The following IWS1 variants were observed in gnomAD, a reference collection of about 807,000 sequenced individuals.
The protein encoded by IWS1 is interacts with SUPT6H, CTD assembly factor 1.
IWS1 carries 27 observed loss-of-function variants against 86.7 expected under a neutral mutation model. That is an observed-to-expected ratio of 0.31 (90% CI 0.23 to 0.43). The LOEUF (loss-of-function observed/expected upper bound fraction) is 0.43. Among genes scored for constraint, IWS1 ranks in the 20% least tolerant of loss-of-function variants. The probability of loss-of-function intolerance (pLI) is 1.00; values close to 1 mark genes in which losing one functional copy is unlikely to be tolerated. For synonymous variants in IWS1, 313 were observed against 335.1 expected (o/e 0.93, Z 0.72); for missense variants, 827 against 1,000.8 (o/e 0.83, Z 2.34).
intron 6 of IWS1, among the ~76,000 whole-genome samples, chr2:127,497,213 T>C (rs977486506): frequency 5.3e-5 from 8 of 152,224 alleles, no homozygotes; most frequent in Admixed American, 4.6e-4. Context: ...TATATACACA[T>C]ATAAATCGCT....
At chr2:127,508,719 G>A (rs940932815) in intron 2 of IWS1, among the ~76,000 whole-genome samples, 6 of 152,146 alleles carry the variant, frequency 3.9e-5, no homozygotes, top group Non-Finnish European at 8.8e-5. Context: ...TTTTACTAGA[G>A]TACCATCAGT....
At chr2:127,521,763 G>A (rs1692107836) in intron 2 of IWS1, among the ~76,000 whole-genome samples, 1 of 152,132 alleles carries the variant, frequency 6.6e-6, no homozygotes, top group Non-Finnish European at 1.5e-5. Context: ...TCAAATTATA[G>A]TTTAAGTCTG....
chr2:127,493,586 T>C (rs1267797834), intron 8 of IWS1, among the ~76,000 whole-genome samples, 176 bp from the exon 9 acceptor site: 3 of 152,204 alleles, frequency 2.0e-5, no homozygotes, highest in Non-Finnish European at 4.4e-5. Flanking sequence ...TTAGTTCTTA[T>C]TTTCCAGAAA....
Position 127,505,160 on chromosome 2 carries a change from C to T in IWS1, c.743G>A (p.Ser248Asn), listed in dbSNP as rs1691059781. 1 of 1,611,776 alleles carries T rather than the reference C, an allele frequency of 6.2e-7. No individual in the cohort carries two copies. Among genetic ancestry groups the T allele is most frequent in the African/African-American group, 1.3e-5 (1 of 74,788 alleles). ...CGGAGGGTCCTCACTTTCTGAGTCACTGATACGAGGTTTGGGAAGCTCCTC... is the reference window on the plus strand; with the variant it reads ...CGGAGGGTCCTCACTTTCTGAGTCATTGATACGAGGTTTGGGAAGCTCCTC... ...ENEELPKPRI[S>N]DSESEDPPRH... The change falls in exon 3 of 14, where the codon AGT becomes AAT. Residue 248 changes from serine (S) to asparagine (N), a missense_variant. This residue lies in a region of IWS1 where 548 missense variants were observed against 560.2 expected (regional missense o/e 0.98). Coordinates refer to ENST00000295321, the MANE Select transcript of IWS1 (RefSeq NM_017969.3). The surrounding 1 kb of genome is among the most constrained non-coding windows in gnomAD (Gnocchi z 5.0).
At chr2:127,511,777 A>T in intron 2 of IWS1, among the ~76,000 whole-genome samples, 1 of 152,246 alleles carries the variant, frequency 6.6e-6, no homozygotes, top group Middle Eastern at 3.2e-3. Context: ...CATTATTAGA[A>T]TCAAAGACAA....
chr2:127,489,616 C>G lies in IWS1; in HGVS notation c.2159+216G>C. On this transcript the variant is annotated intron_variant, in intron 11 of 13. Coordinates refer to ENST00000295321, the MANE Select transcript of IWS1 (RefSeq NM_017969.3). The surrounding 1 kb of genome is among the most constrained non-coding windows in gnomAD (Gnocchi z 4.8). ...TCAGTATCCTGAAACAGGCCCTGTT[C>G]CAACAAACTGACCCAGAAAGGTCTG... 2 of 550,532 alleles carry G rather than the reference C, an allele frequency of 3.6e-6. No individual in the cohort carries two copies. Among genetic ancestry groups the G allele is most frequent in the Non-Finnish European group, 3.2e-6 (1 of 311,982 alleles). 34.1% of individuals were successfully genotyped at this position (550,532 alleles called of 1,614,324 possible). A position where few individuals can be genotyped will look rare whatever the true frequency, so the allele number is the denominator to read the frequency against.
In IWS1 at chr2:127,484,996, C is replaced by CAAAAAG. The variant is rs55917794; in HGVS notation, c.2328+1551_2328+1556dup. On this transcript the variant is annotated intron_variant, in intron 13 of 13. Coordinates refer to ENST00000295321, the MANE Select transcript of IWS1 (RefSeq NM_017969.3). ...TGGGCGACAGAGCAAGACTCCGTCT[C>CAAAAAG]AAAAAGAAAAAGAAAAAGAAAAAGA... 2.8e-3 allele frequency among the ~76,000 whole-genome samples: 410 copies of CAAAAAG among 148,866 alleles called. 1 individual carries two copies. Among genetic ancestry groups the CAAAAAG allele is most frequent in the African/African-American group, 7.1e-3 (286 of 40,426 alleles).
chr2:127,486,060 T>A (rs1689914114), intron 13 of IWS1: 1 of 154,166 alleles, frequency 6.5e-6, no homozygotes, highest in Non-Finnish European at 1.4e-5. Flanking sequence ...GATTGGAGAA[T>A]AAAAAGAGAT....
chr2:127,501,604 T>C (rs1469506890), intron 5 of IWS1: 1 of 152,232 alleles, frequency 6.6e-6, no homozygotes, highest in African/African-American at 2.4e-5. Context: ...ATACTGTATC[T>C]TGAAGCTTCA....
chr2:127,526,627 G>T, upstream of IWS1: 1 of 1,340,658 alleles, frequency 7.5e-7, no homozygotes, highest in Non-Finnish European at 9.9e-7. Flanking sequence ...TCGGGCTTTA[G>T]TTAAATACCT....
Position 127,526,159 on chromosome 2 carries a change from C to T in IWS1, c.34+16G>A, listed in dbSNP as rs1439649610. The T allele has an allele frequency of 3.1e-6, 5 of 1,596,164 alleles. No individual in the cohort carries two copies. Among genetic ancestry groups the T allele is most frequent in the Non-Finnish European group, 4.3e-6 (5 of 1,171,648 alleles). ...TGCTCCGCCTCCCAGCCCGGTCCCC[C>T]AGGTCCCTGCCCCACCTGACTGGTC... On this transcript the variant is annotated intron_variant, in intron 1 of 13. Transcript: ENST00000295321.
At chr2:127,509,963 GTAT>G (rs1370808867) in intron 2 of IWS1, among the ~76,000 whole-genome samples, 2 of 152,144 alleles carry the variant, frequency 1.3e-5, no homozygotes, top group African/African-American at 4.8e-5. Flanking sequence ...AAATTTCAAA[GTAT>G]TATATCGTCA....
rs1412024971 is a variant in IWS1, at chr2:127,493,240, T to C, written c.1929+41A>G. ...CAGGTTATGACCATACAGACCACATTAGATAATTAATAAAGAACAGTCAGA... is the reference window on the plus strand; with the variant it reads ...CAGGTTATGACCATACAGACCACATCAGATAATTAATAAAGAACAGTCAGA... On this transcript the variant is annotated intron_variant, in intron 9 of 13. Transcript: ENST00000295321. 3.8e-6 allele frequency: 6 copies of C among 1,576,558 alleles called. No homozygotes were observed. In the African/African-American group the frequency reaches 5.4e-5, roughly 14 times the overall value.
chr2:127,496,736 A>G (rs1376395301), intron 6 of IWS1, among the ~76,000 whole-genome samples: 2 of 151,964 alleles, frequency 1.3e-5, no homozygotes, highest in Non-Finnish European at 2.9e-5. Flanking sequence ...ATGCCTGGCT[A>G]ATTTTTTAAA....
intron 3 of IWS1, among the ~76,000 whole-genome samples, chr2:127,503,896 T>C (rs912554836): frequency 6.6e-6 from 1 of 152,088 alleles, no homozygotes; most frequent in Non-Finnish European, 1.5e-5. Context: ...TAAAACTAGA[T>C]TGATGGGCAA....
intron 12 of IWS1, among the ~76,000 whole-genome samples, chr2:127,488,574 A>AC (rs1690055746): frequency 1.3e-5 from 2 of 152,102 alleles, no homozygotes; most frequent in Admixed American, 1.3e-4. Flanking sequence ...TAGCTGTATC[A>AC]CTGCCTCAGT....
At chr2:127,508,224 A>AG (rs1472962701) in intron 2 of IWS1, among the ~76,000 whole-genome samples, 1 of 152,252 alleles carries the variant, frequency 6.6e-6, no homozygotes, top group Non-Finnish European at 1.5e-5. Flanking sequence ...CCTGACCTTA[A>AG]GAGCTGCTGT....
intron 13 of IWS1, chr2:127,486,345 A>T (rs1689929842): frequency 2.3e-6 from 1 of 435,028 alleles, no homozygotes; most frequent in Non-Finnish European, 4.2e-6. Flanking sequence ...GACTGAAGAA[A>T]AATTCATCAG....
At chr2:127,503,712 A>AATAAAATAAAATAG (rs1349266176) in intron 3 of IWS1, 136 bp from the exon 4 acceptor site, 3 of 341,816 alleles carry the variant, frequency 8.8e-6, no homozygotes, top group African/African-American at 6.4e-5. Flanking sequence ...AAATAAAATA[A>AATAAAATAAAATAG]AATCAGAGGG....
Sources: gnomAD v4.1 joint callset for allele counts (sites outside exome capture counted in the v4.1 genomes callset) on GRCh38, gnomAD v4.1.1 for gene constraint, gnomAD v4.1.1 regional missense constraint, Gnocchi (gnomAD v3.1) non-coding constraint, MANE v1.5 for transcripts, NCBI Gene and HGNC (gene_info 2026-07-23, HGNC 2026-07-21) for gene names.